UNC5D: variants seen among roughly 807,000 people sequenced by gnomAD.
UNC5D encodes the protein netrin receptor UNC5D.
Under a neutral mutation model 105.4 loss-of-function variants are expected in UNC5D, and 39 were observed. The observed-to-expected ratio is 0.37, with a 90% CI of 0.29 to 0.48. UNC5D has a LOEUF of 0.48. Among genes scored for constraint, UNC5D ranks in the 20% least tolerant of loss-of-function variants. The probability of loss-of-function intolerance (pLI) is 0.98; values close to 1 mark genes in which losing one functional copy is unlikely to be tolerated. For synonymous variants in UNC5D, 452 were observed against 450.4 expected, an observed-to-expected ratio of 1.00 and a Z score of -0.04; for missense variants, 991 against 1,202.4, an observed-to-expected ratio of 0.82 and a Z score of 2.60.
At chr8:35,609,128 T>C (rs1446811677) in intron 4 of UNC5D, among the ~76,000 whole-genome samples, 3 of 152,200 alleles carry the variant, frequency 2.0e-5, no homozygotes, top group Non-Finnish European at 4.4e-5. Flanking sequence ...TGGTATTTCA[T>C]AGTGGCTTTA....
At chr8:35,691,737 C>T (rs940373086) in intron 7 of UNC5D, among the ~76,000 whole-genome samples, 1 of 152,142 alleles carries the variant, frequency 6.6e-6, no homozygotes. Context: ...TGGACTTTCT[C>T]CTTGCTGTAC....
chr8:35,277,134 C>G (rs1025408574), intron 1 of UNC5D, among the ~76,000 whole-genome samples: 1 of 152,174 alleles, frequency 6.6e-6, no homozygotes, highest in Admixed American at 6.5e-5. Context: ...GGCCTTCCCC[C>G]GTAACCGGTT....
At chr8:35,746,550 T>C (rs1830015692) in intron 11 of UNC5D, among the ~76,000 whole-genome samples, 1 of 152,188 alleles carries the variant, frequency 6.6e-6, no homozygotes, top group Admixed American at 6.5e-5. Flanking sequence ...GCAAAACTCC[T>C]ATTCCATGCC....
chr8:35,782,960 C>A (rs1402413600), intron 16 of UNC5D, among the ~76,000 whole-genome samples: 1 of 151,936 alleles, frequency 6.6e-6, no homozygotes, highest in Admixed American at 6.6e-5. Context: ...CATTGTGAGA[C>A]CCCATATCTA....
intron 1 of UNC5D, among the ~76,000 whole-genome samples, chr8:35,240,147 A>G (rs1802715351): frequency 6.6e-6 from 1 of 152,132 alleles, no homozygotes; most frequent in Admixed American, 6.5e-5. Context: ...ATTAGCTCTC[A>G]CTATTTTGCC....
At chr8:35,784,314 A>T (rs1016345705) in intron 16 of UNC5D, among the ~76,000 whole-genome samples, 1 of 152,288 alleles carries the variant, frequency 6.6e-6, no homozygotes, top group African/African-American at 2.4e-5. Flanking sequence ...CCTAAGCTTT[A>T]ATCTGCTTGT....
chr8:35,576,413 A>T (rs1463989222), intron 3 of UNC5D, among the ~76,000 whole-genome samples: 1 of 152,176 alleles, frequency 6.6e-6, no homozygotes, highest in Non-Finnish European at 1.5e-5. Context: ...GCATCACATG[A>T]GCTGACTTTT....
intron 4 of UNC5D, among the ~76,000 whole-genome samples, chr8:35,604,474 A>G (rs1226286877): frequency 2.6e-5 from 4 of 152,088 alleles, no homozygotes; most frequent in African/African-American, 7.2e-5. Flanking sequence ...GCTGCCCTTA[A>G]CATTTTTTCC....
rs575546334 is a variant in UNC5D at position 35,794,052 on chromosome 8, C to G, written c.*3489C>G. ...CATTCTCAGCATCAGGATTGATAAACAAATGTAGATGATTAAAATAGGATA... is the reference window on the plus strand; with the variant it reads ...CATTCTCAGCATCAGGATTGATAAAGAAATGTAGATGATTAAAATAGGATA... On this transcript the variant is annotated 3_prime_UTR_variant, in exon 17 of 17. Coordinates refer to ENST00000404895, the MANE Select transcript of UNC5D (RefSeq NM_080872.4). 2.0e-5 allele frequency: 3 copies of G among 152,256 alleles called. No homozygotes were observed. The highest frequency in any genetic ancestry group is 7.2e-5 in the African/African-American group (3 of 41,558). The allele number at this position is 152,256 out of a possible 1,614,324, so 9.4% of individuals were successfully genotyped here.
At chr8:35,499,134 T>C (rs1811809707) in intron 1 of UNC5D, among the ~76,000 whole-genome samples, 1 of 152,204 alleles carries the variant, frequency 6.6e-6, no homozygotes. Flanking sequence ...CTTCAATAAA[T>C]GAAATGTTTC....
chr8:35,627,339 A>T (rs1821749828), intron 4 of UNC5D, among the ~76,000 whole-genome samples: 1 of 152,162 alleles, frequency 6.6e-6, no homozygotes, highest in Admixed American at 6.5e-5. Context: ...TTCTGACCTA[A>T]TTTGATTCAT....
At chr8:35,275,245 T>A (rs1805697078) in intron 1 of UNC5D, among the ~76,000 whole-genome samples, 1 of 151,992 alleles carries the variant, frequency 6.6e-6, no homozygotes. Context: ...CACTCCCACC[T>A]ATTTCCTATC....
intron 1 of UNC5D, among the ~76,000 whole-genome samples, chr8:35,427,832 T>A (rs182222776): frequency 1.3e-3 from 193 of 152,350 alleles, no homozygotes; most frequent in Admixed American, 2.0e-3. Context: ...AAGCTCATTA[T>A]AAATTACAAG....
At chr8:35,425,411 T>C (rs548518226) in intron 1 of UNC5D, among the ~76,000 whole-genome samples, 1 of 152,306 alleles carries the variant, frequency 6.6e-6, no homozygotes, top group South Asian at 2.1e-4. Context: ...TTAGAGCTTC[T>C]GTTTATCCAG....
chr8:35,567,962 T>C, intron 2 of UNC5D, 136 bp from the exon 3 acceptor site: 1 of 1,339,690 alleles, frequency 7.5e-7, no homozygotes. Context: ...TATATTATTG[T>C]CAAAGTAATT....
intron 1 of UNC5D, among the ~76,000 whole-genome samples, chr8:35,281,092 T>C (rs1806123082): frequency 6.6e-6 from 1 of 152,210 alleles, no homozygotes; most frequent in Admixed American, 6.5e-5. Flanking sequence ...AGGCCTTCGC[T>C]GTGCCTCAGA....
rs994945259 is a variant in UNC5D at position 35,726,594 on chromosome 8, T to G, written c.1681+65T>G. On this transcript the variant is annotated intron_variant, in intron 10 of 16. Coordinates refer to ENST00000404895, the MANE Select transcript of UNC5D (RefSeq NM_080872.4). ...AAATGTTTCATTTTTACACAGTTACTTCCCATCAGATTCATTTTATGATGT... is the reference window on the plus strand; with the variant it reads ...AAATGTTTCATTTTTACACAGTTACGTCCCATCAGATTCATTTTATGATGT... The G allele has an allele frequency of 3.2e-6, 5 of 1,564,370 alleles. No individual in the cohort carries two copies. The Admixed American group carries it at 5.2e-5, about 16-fold the overall frequency.
At chr8:35,580,035 A>G (rs1818371482) in intron 3 of UNC5D, among the ~76,000 whole-genome samples, 1 of 152,124 alleles carries the variant, frequency 6.6e-6, no homozygotes. Context: ...TTAGATATGG[A>G]ACTAAGGGGA....
At chr8:35,685,005 T>A (rs1385656156) in intron 6 of UNC5D, among the ~76,000 whole-genome samples, 1 of 152,236 alleles carries the variant, frequency 6.6e-6, no homozygotes, top group Admixed American at 6.5e-5. Flanking sequence ...CCAATTGCTA[T>A]GAAGTCTTGT....
Sources: allele counts gnomAD v4.1 joint callset (sites outside exome capture counted in the v4.1 genomes callset), GRCh38; gene constraint gnomAD v4.1.1; transcripts MANE v1.5; gene names NCBI Gene and HGNC (gene_info 2026-07-23, HGNC 2026-07-21).